INPP4B: variants seen among roughly 807,000 people sequenced by gnomAD.
INPP4B encodes inositol polyphosphate 4-phosphatase type II.
INPP4B carries 55 observed loss-of-function variants against 122.5 expected under a neutral mutation model. The observed-to-expected ratio is 0.45, with a 90% CI of 0.36 to 0.56. The LOEUF (loss-of-function observed/expected upper bound fraction) is 0.56, where lower values mean the gene tolerates loss of function less well. Among genes scored for constraint, INPP4B ranks in the 20% least tolerant of loss-of-function variants. The probability of loss-of-function intolerance (pLI) is 0.00; values close to 1 mark genes in which losing one functional copy is unlikely to be tolerated. For missense variants in INPP4B, 1,000 were observed against 1,097.7 expected, an observed-to-expected ratio of 0.91 and a Z score of 1.26; for synonymous variants, 403 against 388.7, an observed-to-expected ratio of 1.04 and a Z score of -0.43.
At chr4:142,302,081 T>G (rs1299551304) in intron 9 of INPP4B, among the ~76,000 whole-genome samples, 5 of 152,160 alleles carry the variant, frequency 3.3e-5, no homozygotes, top group Admixed American at 3.3e-4. Context: ...GTCAGGTGTT[T>G]TGGCAGCAAA....
At chr4:142,452,768 A>T (rs9308152) in intron 3 of INPP4B, among the ~76,000 whole-genome samples, 1 of 152,116 alleles carries the variant, frequency 6.6e-6, no homozygotes, top group South Asian at 2.1e-4. Flanking sequence ...GGATGTTCTC[A>T]AAAAGACAAA....
chr4:142,812,787 G>A (rs1484913402), intron 1 of INPP4B, among the ~76,000 whole-genome samples: 1 of 152,116 alleles, frequency 6.6e-6, no homozygotes, highest in Non-Finnish European at 1.5e-5. Context: ...TAGGATGATA[G>A]AATTTCCACC....
intron 2 of INPP4B, among the ~76,000 whole-genome samples, chr4:142,608,658 G>A (rs1741816793): frequency 6.6e-6 from 1 of 152,050 alleles, no homozygotes; most frequent in South Asian, 2.1e-4. Flanking sequence ...CTCTCCCTCT[G>A]ACCTACTCTG....
chr4:142,065,673 G>T (rs1209825728), intron 25 of INPP4B, among the ~76,000 whole-genome samples: 1 of 152,260 alleles, frequency 6.6e-6, no homozygotes, highest in South Asian at 2.1e-4. Flanking sequence ...TCCAAGGGCT[G>T]GGGGGATGGC....
At chr4:142,786,935 T>C (rs939775161) in intron 1 of INPP4B, among the ~76,000 whole-genome samples, 2 of 152,122 alleles carry the variant, frequency 1.3e-5, no homozygotes, top group Non-Finnish European at 2.9e-5. Context: ...GTATCTCGGA[T>C]AGAATCCCGG....
chr4:142,266,832 G>GAA (rs573979135), intron 10 of INPP4B, among the ~76,000 whole-genome samples: 12 of 146,172 alleles, frequency 8.2e-5, no homozygotes, highest in African/African-American at 2.5e-4. Context: ...ACAACCAAAA[G>GAA]AAAAAAAAAA....
chr4:142,449,557 C>T (rs1813686079), intron 3 of INPP4B, among the ~76,000 whole-genome samples: 1 of 152,082 alleles, frequency 6.6e-6, no homozygotes, highest in South Asian at 2.1e-4. Flanking sequence ...CAAAAATTAG[C>T]TGGGTGTGGT....
chr4:142,729,306 T>C (rs1399834112), intron 1 of INPP4B, among the ~76,000 whole-genome samples: 2 of 152,144 alleles, frequency 1.3e-5, no homozygotes, highest in South Asian at 4.2e-4. Context: ...TGCTAGCTCA[T>C]CAAACACATT....
At chr4:142,817,438 G>A (rs1186489806) in intron 1 of INPP4B, among the ~76,000 whole-genome samples, 1 of 152,126 alleles carries the variant, frequency 6.6e-6, no homozygotes, top group Non-Finnish European at 1.5e-5. Context: ...GCTTTACAAA[G>A]TCAAACTGCA....
chr4:142,294,544 C>T (rs551404085), intron 9 of INPP4B, among the ~76,000 whole-genome samples: 20 of 151,980 alleles, frequency 1.3e-4, no homozygotes, highest in Non-Finnish European at 1.9e-4. Context: ...AAAGTGGACA[C>T]GCACGGGGAG....
At chr4:142,029,645 T>A (rs893548621) in intron 25 of INPP4B, 1 of 985,276 alleles carries the variant, frequency 1.0e-6, no homozygotes, top group Non-Finnish European at 1.2e-6. Context: ...AGAAAAGAGT[T>A]AATTGCAGCA....
chr4:142,412,639 G>A (rs3775707), intron 5 of INPP4B, among the ~76,000 whole-genome samples: 39,729 of 152,058 alleles, frequency 0.26, 5,315 homozygotes, highest in Middle Eastern at 0.31. Context: ...ATCATGCTGA[G>A]TTGATTTATG....
chr4:142,828,301 G>A (rs1781681122), intron 1 of INPP4B, among the ~76,000 whole-genome samples: 1 of 152,054 alleles, frequency 6.6e-6, no homozygotes, highest in East Asian at 1.9e-4. Context: ...GATGACCTGA[G>A]CCCCATATAG....
At chr4:142,765,450 T>C (rs1771969869) in intron 1 of INPP4B, among the ~76,000 whole-genome samples, 1 of 152,168 alleles carries the variant, frequency 6.6e-6, no homozygotes, top group Non-Finnish European at 1.5e-5. Flanking sequence ...AAATTCAGAC[T>C]GGACCAACAA....
At chr4:142,273,046 G>A (rs1030108990) in intron 9 of INPP4B, among the ~76,000 whole-genome samples, 1 of 152,000 alleles carries the variant, frequency 6.6e-6, no homozygotes, top group Non-Finnish European at 1.5e-5. Flanking sequence ...TTAAAAGTGT[G>A]AACTCAAGAG....
chr4:142,724,227 TAAATA>T (rs1330044032), intron 2 of INPP4B, among the ~76,000 whole-genome samples: 1 of 152,130 alleles, frequency 6.6e-6, no homozygotes, highest in African/African-American at 2.4e-5. Context: ...ATAGCTTACA[TAAATA>T]AAATAAAAGC....
chr4:142,275,895 T>G (rs1301657740), intron 9 of INPP4B, among the ~76,000 whole-genome samples: 1 of 151,762 alleles, frequency 6.6e-6, no homozygotes, highest in Non-Finnish European at 1.5e-5. Context: ...CCCAACTTGA[T>G]CTTGATTTTC....
chr4:142,687,690 G>A (rs190692110), intron 2 of INPP4B, among the ~76,000 whole-genome samples: 1 of 152,044 alleles, frequency 6.6e-6, no homozygotes, highest in Non-Finnish European at 1.5e-5. Context: ...GAGCAAGTAA[G>A]TGGGAGGCAT....
rs185305689 is a variant in INPP4B, at chr4:142,112,850, C to T, written c.2136-168G>A. On this transcript the variant is annotated intron_variant, in intron 21 of 25. Transcript: ENST00000262992. ...TTCATCTCCTTATTAAATTACTTGA[C>T]ATAAAAATTGTAAGAATTCATTTAC... is the stretch of plus-strand genomic sequence containing the variant. Among the ~76,000 whole-genome samples, 773 of 152,234 alleles carry T rather than the reference C, an allele frequency of 5.1e-3. 9 individuals carry two copies. The highest frequency in any genetic ancestry group is 0.018 in the African/African-American group (731 of 41,572).
Sources: allele counts gnomAD v4.1 joint callset (sites outside exome capture counted in the v4.1 genomes callset), GRCh38; gene constraint gnomAD v4.1.1; transcripts MANE v1.5; gene names NCBI Gene and HGNC (gene_info 2026-07-23, HGNC 2026-07-21).